SAV1: variants seen among roughly 807,000 people sequenced by gnomAD.
The protein encoded by SAV1 is protein salvador homolog 1.
In SAV1, 23 loss-of-function variants were observed where a neutral mutation model predicts 47.3. The observed-to-expected ratio is 0.49, with a 90% CI of 0.35 to 0.69. The LOEUF is 0.69. Ranked by LOEUF, SAV1 falls within the 30% of genes least tolerant of loss-of-function variation. SAV1 has a pLI of 0.01. For synonymous variants in SAV1, 155 were observed against 159.2 expected (o/e 0.97, Z 0.20); for missense variants, 448 against 457.4 (o/e 0.98, Z 0.19).
In SAV1 at chr14:50,645,031, A is replaced by C. The variant is rs143419361; in HGVS notation, c.536-17T>G. Reference sequence around the variant, plus strand: ...TCCCAATACCTACGGGGAAAGAGAAAATGATAGAGAAGAAACAGAACAATT... The same window carrying C: ...TCCCAATACCTACGGGGAAAGAGAACATGATAGAGAAGAAACAGAACAATT... On this transcript the variant is annotated splice_polypyrimidine_tract_variant and intron_variant, in intron 2 of 4. Coordinates refer to ENST00000324679, the MANE Select transcript of SAV1 (RefSeq NM_021818.4). The C allele has an allele frequency of 1.8e-4, 281 of 1,592,530 alleles. No homozygotes were observed. The African/African-American group carries it at 3.4e-3, about 19-fold the overall frequency.
In SAV1 at chr14:50,667,779, G is replaced by A. The variant is rs558742206; in HGVS notation, c.94+95C>T. On this transcript the variant is annotated intron_variant, in intron 1 of 4. Coordinates refer to ENST00000324679, the MANE Select transcript of SAV1 (RefSeq NM_021818.4). ...AGTATTTCACGCGACCAAGGACGAA[G>A]GAGAAGCCCTGGAGACCCGCCGGCG... The A allele has an allele frequency of 1.8e-5, 16 of 877,064 alleles. No individual in the cohort carries two copies. In the East Asian group the frequency reaches 2.2e-4, roughly 12 times the overall value. 54.3% of individuals were successfully genotyped at this position (877,064 alleles called of 1,614,324 possible).
At chr14:50,666,169 C>G (rs2140267692) in intron 1 of SAV1, among the ~76,000 whole-genome samples, 1 of 152,218 alleles carries the variant, frequency 6.6e-6, no homozygotes, top group Middle Eastern at 3.4e-3. Flanking sequence ...TTACCTAGCA[C>G]TAGCACAGTA....
chr14:50,663,644 A>G (rs1462988802), intron 2 of SAV1, among the ~76,000 whole-genome samples: 1 of 152,066 alleles, frequency 6.6e-6, no homozygotes, highest in Non-Finnish European at 1.5e-5. Context: ...GCTTTCTCCT[A>G]AACTCTAATT....
chr14:50,662,045 C>T (rs1278261951), intron 2 of SAV1, among the ~76,000 whole-genome samples: 1 of 152,206 alleles, frequency 6.6e-6, no homozygotes, highest in African/African-American at 2.4e-5. Flanking sequence ...CTGTAGATTA[C>T]TTTGAGCAAC....
At position 50,640,808 on chromosome 14, in the gene SAV1, G is replaced by C; in HGVS notation, c.892C>G (p.Pro298Ala). 1.9e-6 allele frequency: 3 copies of C among 1,613,974 alleles called. No homozygotes were observed. Among genetic ancestry groups the C allele is most frequent in the Non-Finnish European group, 2.5e-6 (3 of 1,179,926 alleles). The change falls in exon 4 of 5, where the codon CCA becomes GCA. Residue 298 changes from proline (P) to alanine (A), a missense_variant. By Grantham distance (27) the Pro-to-Ala change is conservative (BLOSUM62 -1). Transcript: ENST00000324679. ...RNQSLLVPAN[P>A]YHTAEIPDWL... is the part of the protein sequence containing the mutation. ...TCAGGAATTTCTGCAGTATGATATG[G>C]ATTTGCAGGTACCAGAAGGGACTGA... is the stretch of plus-strand genomic sequence containing the variant.
At chr14:50,654,600 C>G (rs1056043781) in intron 2 of SAV1, among the ~76,000 whole-genome samples, 16 of 152,188 alleles carry the variant, frequency 1.1e-4, no homozygotes. Context: ...AGATGTGACA[C>G]AGAGACATGA....
chr14:50,656,552 C>T (rs554539579), intron 2 of SAV1, among the ~76,000 whole-genome samples: 7 of 151,400 alleles, frequency 4.6e-5, no homozygotes, highest in Non-Finnish European at 1.0e-4. Flanking sequence ...ATGCCATTCT[C>T]CTGCCTCAGC....
intron 2 of SAV1, among the ~76,000 whole-genome samples, chr14:50,660,099 C>T (rs757525760): frequency 3.3e-5 from 5 of 152,196 alleles, no homozygotes; most frequent in Non-Finnish European, 7.3e-5. Flanking sequence ...AGATATTTTT[C>T]AGACTTTGCT....
At position 50,644,748 on chromosome 14, in the gene SAV1, G is replaced by A. The variant is rs1331208616; in HGVS notation, c.802C>T (p.Pro268Ser). ...KKAQYRHPCA[P>S]SVPRYDQPPP... ...AAAATAAAGTTGATACTGTACCTAGGAGCACAGGGATGCCTGTATTGGGCC... is the reference window on the plus strand; with the variant it reads ...AAAATAAAGTTGATACTGTACCTAGAAGCACAGGGATGCCTGTATTGGGCC... Residue 268 changes from proline to serine, a missense_variant, in exon 3 of 5, where the codon CCT (proline) becomes TCT (serine). Pro to Ser is a moderately conservative substitution (Grantham distance 74). Transcript: ENST00000324679. 3 of 1,613,114 alleles carry A rather than the reference G, an allele frequency of 1.9e-6. No homozygotes were observed. The African/African-American group carries it at 4.0e-5, about 22-fold the overall frequency.
At chr14:50,667,485 G>A (rs1255931018) in intron 1 of SAV1, 2 of 459,004 alleles carry the variant, frequency 4.4e-6, no homozygotes, top group African/African-American at 2.0e-5. Flanking sequence ...CAAACATGAC[G>A]CACATCTCGA....
At chr14:50,667,584 CTCTT>C (rs1433731628) in intron 1 of SAV1, 2 of 501,638 alleles carry the variant, frequency 4.0e-6, no homozygotes, top group Non-Finnish European at 7.4e-6. Flanking sequence ...TTCCTACTCT[CTCTT>C]CCAGTAATCA....
intron 4 of SAV1, among the ~76,000 whole-genome samples, chr14:50,636,004 G>A (rs1453672078): frequency 6.6e-6 from 1 of 152,036 alleles, no homozygotes; most frequent in African/African-American, 2.4e-5. Flanking sequence ...ACCGCGCCCG[G>A]CCTACATATA....
At chr14:50,649,519 C>T (rs895391148) in intron 2 of SAV1, among the ~76,000 whole-genome samples, 2 of 152,200 alleles carry the variant, frequency 1.3e-5, no homozygotes, top group Non-Finnish European at 1.5e-5. Context: ...GATTTTTGGA[C>T]TTATTTTGCC....
intron 4 of SAV1, among the ~76,000 whole-genome samples, chr14:50,638,799 G>A (rs572417136): frequency 6.6e-6 from 1 of 152,186 alleles, no homozygotes; most frequent in East Asian, 1.9e-4. Context: ...ATGGAGTCTC[G>A]CTCTGTCACC....
intron 2 of SAV1, among the ~76,000 whole-genome samples, chr14:50,662,171 T>C (rs946944765): frequency 1.3e-5 from 2 of 152,114 alleles, no homozygotes; most frequent in Non-Finnish European, 2.9e-5. Context: ...TATTTATTTA[T>C]TTATTTATTT....
Position 50,645,000 on chromosome 14 carries a change from CA to C in SAV1, c.549del (p.Ala184LeufsTer5). On this transcript the variant is annotated frameshift_variant, in exon 3 of 5. Coordinates refer to ENST00000324679, the MANE Select transcript of SAV1 (RefSeq NM_021818.4). LOFTEE classifies it high-confidence loss of function. ...QGRHASGIGR[V>X]AATSLGNLTN... ...GTCAAATTTCCTAAAGATGTAGCAG[CA>C]ACTCTCCCAATACCTACGGGGAAAG... 1.9e-6 allele frequency: 3 copies of C among 1,610,270 alleles called. No individual in the cohort carries two copies. Among genetic ancestry groups the C allele is most frequent in the Non-Finnish European group, 2.5e-6 (3 of 1,179,738 alleles).
chr14:50,648,250 T>C (rs2039738495), intron 2 of SAV1, among the ~76,000 whole-genome samples: 4 of 152,090 alleles, frequency 2.6e-5, no homozygotes, highest in Admixed American at 2.0e-4. Context: ...ACAAAACTAC[T>C]AGGACAGAAA....
chr14:50,645,290 T>G (rs1482711705), intron 2 of SAV1, among the ~76,000 whole-genome samples: 1 of 152,072 alleles, frequency 6.6e-6, no homozygotes. Context: ...AGGTTGAGCA[T>G]CCCTAATCCA....
At chr14:50,644,663 C>T (rs902124053) in intron 3 of SAV1, 81 bp downstream of exon 3, 6 of 1,324,876 alleles carry the variant, frequency 4.5e-6, no homozygotes, top group African/African-American at 2.9e-5. Flanking sequence ...GGATGCTATT[C>T]TCTTAGATGA....
Sources: gnomAD v4.1 joint callset for allele counts (sites outside exome capture counted in the v4.1 genomes callset) on GRCh38, gnomAD v4.1.1 for gene constraint, MANE v1.5 for transcripts, NCBI Gene and HGNC (gene_info 2026-07-23, HGNC 2026-07-21) for gene names.